EML6: variants seen among roughly 807,000 people sequenced by gnomAD.
The protein encoded by EML6 is echinoderm microtubule-associated protein-like 6.
Under a neutral mutation model 240.1 loss-of-function variants are expected in EML6, and 154 were observed. The ratio of observed to expected loss-of-function variants is 0.64; its 90% CI spans 0.56 to 0.73. The LOEUF (loss-of-function observed/expected upper bound fraction) is 0.73. Among genes scored for constraint, EML6 ranks in the 30% least tolerant of loss-of-function variants. EML6 has a pLI of 0.00. For synonymous variants in EML6, 1,148 were observed against 899.0 expected, an observed-to-expected ratio of 1.28 and a Z score of -4.95; for missense variants, 2,964 against 2,474.6, an observed-to-expected ratio of 1.20 and a Z score of -4.20.
rs1573193088 is a variant in EML6 at position 54,944,624 on chromosome 2, T to C, written c.4005-4258T>C. ...CCTAAAATAGCCAAGTCTAAGACGA[T>C]ATCCCCATTTTTTAAAACAACAACA... On this transcript the variant is annotated intron_variant, in intron 28 of 41. Coordinates refer to ENST00000356458, the MANE Select transcript of EML6 (RefSeq NM_001039753.4). Among the ~76,000 whole-genome samples the C allele has an allele frequency of 2.0e-5, 3 of 152,130 alleles. No homozygotes were observed. The East Asian group carries it at 5.8e-4, about 29-fold the overall frequency.
At chr2:54,832,347 A>G (rs1668914140) in intron 7 of EML6, among the ~76,000 whole-genome samples, 1 of 152,114 alleles carries the variant, frequency 6.6e-6, no homozygotes, top group Admixed American at 6.5e-5. Context: ...TGAAGCAAGG[A>G]AGGAGGATGT....
intron 4 of EML6, among the ~76,000 whole-genome samples, chr2:54,818,941 C>T (rs1314778819): frequency 6.6e-6 from 1 of 152,086 alleles, no homozygotes; most frequent in African/African-American, 2.4e-5. Flanking sequence ...ATACTTAATC[C>T]ATTACATTTA....
Position 54,850,085 on chromosome 2 carries a change from T to C in EML6, c.1311T>C (p.Val437=). The change falls in exon 10 of 42, where the codon GTT becomes GTC. Residue 437 remains valine (V), a synonymous_variant. Transcript: ENST00000356458. ...ATGGCCCAGTAGATGTCTATGCTGT[T>C]GCCCAGAGGTATAAGAAAATTGGAG... ...SNDGPVDVYA[V]AQRYKKIGEC... is the part of the protein sequence containing the mutation. 6.4e-6 allele frequency: 10 copies of C among 1,552,136 alleles called. No individual in the cohort carries two copies. The highest frequency in any genetic ancestry group is 8.7e-6 in the Non-Finnish European group (10 of 1,147,082).
At chr2:54,818,955 A>G (rs1558576196) in intron 4 of EML6, among the ~76,000 whole-genome samples, 1 of 152,176 alleles carries the variant, frequency 6.6e-6, no homozygotes, top group Non-Finnish European at 1.5e-5. Context: ...ACATTTATAT[A>G]ATGAATGTTT....
Position 54,895,312 on chromosome 2 carries a change from C to G in EML6, c.2894C>G (p.Thr965Ser), listed in dbSNP as rs1305689227. ...LEDNPSIRAI[T>S]LGHGHILVGT... Reference sequence around the variant, plus strand: ...GATAACCCTTCAATTCGTGCCATCACTTTGGGACATGGACATATCCTGGTG... The same window carrying G: ...GATAACCCTTCAATTCGTGCCATCAGTTTGGGACATGGACATATCCTGGTG... The change falls in exon 21 of 42, where the codon ACT becomes AGT. Residue 965 changes from threonine (T) to serine (S), a missense_variant. Physicochemically the swap from Thr to Ser is moderately conservative, Grantham distance 58. Coordinates refer to ENST00000356458, the MANE Select transcript of EML6 (RefSeq NM_001039753.4). 2 of 1,551,850 alleles carry G rather than the reference C, an allele frequency of 1.3e-6. No homozygotes were observed. The highest frequency in any genetic ancestry group is 1.7e-6 in the Non-Finnish European group (2 of 1,146,942).
intron 26 of EML6, 109 bp downstream of exon 26, chr2:54,917,044 C>G (rs541985852): frequency 8.8e-6 from 7 of 791,672 alleles, no homozygotes; most frequent in Non-Finnish European, 1.4e-5. Flanking sequence ...TTCACATTAT[C>G]GGAGTATTAT....
chr2:54,898,714 T>G (rs1052020790), intron 21 of EML6, among the ~76,000 whole-genome samples: 1 of 152,218 alleles, frequency 6.6e-6, no homozygotes, highest in Admixed American at 6.5e-5. Flanking sequence ...TTCAGATGCC[T>G]GTGTGTGGGC....
intron 17 of EML6, chr2:54,883,009 G>C (rs1671921249): frequency 6.6e-6 from 1 of 151,664 alleles, no homozygotes; most frequent in African/African-American, 2.4e-5. Context: ...CTATGATAGA[G>C]TCTCCCGCAT....
At chr2:54,953,780 G>A (rs1206169517) in intron 31 of EML6, among the ~76,000 whole-genome samples, 2 of 151,874 alleles carry the variant, frequency 1.3e-5, no homozygotes, top group African/African-American at 4.8e-5. Context: ...CCAGCTACTC[G>A]GGAGGCTGAG....
At chr2:54,946,741 C>T (rs1331915946) in intron 28 of EML6, among the ~76,000 whole-genome samples, 1 of 152,188 alleles carries the variant, frequency 6.6e-6, no homozygotes, top group African/African-American at 2.4e-5. Flanking sequence ...TAAGTGTTCA[C>T]GCAGAATCCA....
intron 2 of EML6, among the ~76,000 whole-genome samples, chr2:54,791,674 G>T (rs1669461680): frequency 1.3e-5 from 2 of 152,116 alleles, no homozygotes; most frequent in African/African-American, 4.8e-5. Flanking sequence ...CACTATAACT[G>T]TGATGTTAGC....
chr2:54,845,636 AG>A (rs1669710969), intron 8 of EML6, among the ~76,000 whole-genome samples: 2 of 152,224 alleles, frequency 1.3e-5, no homozygotes, highest in African/African-American at 4.8e-5. Context: ...TTACTAGTAA[AG>A]CAAGGGTTAC....
At chr2:54,755,683 C>T (rs1684368595) in intron 2 of EML6, among the ~76,000 whole-genome samples, 1 of 151,952 alleles carries the variant, frequency 6.6e-6, no homozygotes, top group African/African-American at 2.4e-5. Context: ...TTTTTCGAGA[C>T]AGGGTTTGGC....
At position 54,959,157 on chromosome 2, in the gene EML6, C is replaced by G; in HGVS notation, c.4749C>G (p.Asp1583Glu). 6.4e-7 allele frequency: 1 copy of G among 1,551,604 alleles called. No homozygotes were observed. Among genetic ancestry groups the G allele is most frequent in the Non-Finnish European group, 8.7e-7 (1 of 1,146,964 alleles). Residue 1583 changes from aspartate (D) to glutamate (E), a missense_variant, in exon 34 of 42, where the codon GAC becomes GAG. By Grantham distance (45) the Asp-to-Glu change is conservative. Coordinates refer to ENST00000356458, the MANE Select transcript of EML6 (RefSeq NM_001039753.4). ...AINGDVYVWK[D>E]HFLIRLVAKA... Reference sequence around the variant, plus strand: ...ATGGAGATGTCTACGTCTGGAAGGACCACTTCCTCATCCGGCTGGTGGCCA... The same window carrying G: ...ATGGAGATGTCTACGTCTGGAAGGAGCACTTCCTCATCCGGCTGGTGGCCA...
chr2:54,733,319 T>A (rs1036774897), intron 2 of EML6, among the ~76,000 whole-genome samples: 5 of 152,264 alleles, frequency 3.3e-5, no homozygotes, highest in Admixed American at 3.3e-4. Context: ...TTTTTCTGTG[T>A]TACGAGTTGA....
chr2:54,848,363 G>C (rs1337011357), intron 9 of EML6, among the ~76,000 whole-genome samples: 4 of 152,140 alleles, frequency 2.6e-5, no homozygotes, highest in African/African-American at 9.7e-5. Context: ...TTTGATTGGA[G>C]AATGGTCTTA....
chr2:54,877,977 T>A (rs947837424), intron 16 of EML6, among the ~76,000 whole-genome samples: 1 of 152,202 alleles, frequency 6.6e-6, no homozygotes, highest in African/African-American at 2.4e-5. Context: ...AGCATGGGCA[T>A]TGGTTAGCAA....
At chr2:54,948,788 G>A (rs1414328378) in intron 28 of EML6, 94 bp from the exon 29 acceptor site, 1 of 909,236 alleles carries the variant, frequency 1.1e-6, no homozygotes, top group Non-Finnish European at 1.7e-6. Context: ...GGAGGAGAGA[G>A]GAGGCCGGCA....
At chr2:54,765,680 T>C (rs968458073) in intron 2 of EML6, among the ~76,000 whole-genome samples, 5 of 152,296 alleles carry the variant, frequency 3.3e-5, no homozygotes, top group African/African-American at 1.2e-4. Context: ...CAGGATGGTC[T>C]CGATCTCCTG....
Sources: allele counts gnomAD v4.1 joint callset (sites outside exome capture counted in the v4.1 genomes callset), GRCh38; gene constraint gnomAD v4.1.1; transcripts MANE v1.5; gene names NCBI Gene and HGNC (gene_info 2026-07-23, HGNC 2026-07-21).